The following EPHA5 variants were observed in gnomAD, a reference collection of about 807,000 sequenced individuals.
EPHA5 encodes EPH receptor A5.
A neutral mutation model predicts 105.0 loss-of-function variants in EPHA5; 60 were observed. The ratio of observed to expected loss-of-function variants is 0.57; its 90% CI spans 0.46 to 0.71. The LOEUF (loss-of-function observed/expected upper bound fraction) is 0.71. Among genes scored for constraint, EPHA5 ranks in the 30% least tolerant of loss-of-function variants. The pLI, the probability that EPHA5 is intolerant of heterozygous loss-of-function variation, is 0.00. For synonymous variants in EPHA5, 513 were observed against 449.1 expected, an observed-to-expected ratio of 1.14 and a Z score of -1.80; for missense variants, 1,218 against 1,274.7, an observed-to-expected ratio of 0.96 and a Z score of 0.68.
chr4:65,355,100 G>A (rs4860654), intron 11 of EPHA5, among the ~76,000 whole-genome samples: 64,634 of 151,492 alleles, frequency 0.43, 14,519 homozygotes, highest in Middle Eastern at 0.52. Context: ...GAGTGCAGGG[G>A]TCACAGGTGT....
intron 2 of EPHA5, among the ~76,000 whole-genome samples, chr4:65,609,630 GA>G (rs1202416070): frequency 7.2e-6 from 1 of 138,986 alleles, no homozygotes; most frequent in Non-Finnish European, 1.5e-5. Context: ...CAACCTGGAG[GA>G]AAAAAATCAG....
At chr4:65,633,651 C>A (rs1317575886) in intron 2 of EPHA5, among the ~76,000 whole-genome samples, 1 of 151,510 alleles carries the variant, frequency 6.6e-6, no homozygotes, top group East Asian at 1.9e-4. Context: ...ACCTATATAT[C>A]CCTCTATACA....
chr4:65,379,440 T>A (rs1182527560), intron 8 of EPHA5, among the ~76,000 whole-genome samples: 3 of 151,908 alleles, frequency 2.0e-5, no homozygotes, highest in African/African-American at 7.2e-5. Context: ...TTTTATTGTA[T>A]TTGTTTTAAG....
chr4:65,503,619 A>G (rs1732712091), intron 3 of EPHA5, among the ~76,000 whole-genome samples: 1 of 151,694 alleles, frequency 6.6e-6, no homozygotes, highest in Non-Finnish European at 1.5e-5. Context: ...AAGATAATAT[A>G]ATATTTATAA....
chr4:65,520,805 C>T (rs938160148), intron 3 of EPHA5, among the ~76,000 whole-genome samples: 2 of 152,138 alleles, frequency 1.3e-5, no homozygotes, highest in Non-Finnish European at 2.9e-5. Context: ...CAGAGAAATG[C>T]AAATCAAAAC....
chr4:65,404,564 A>T, intron 7 of EPHA5, 85 bp from the exon 8 acceptor site: 3 of 1,163,276 alleles, frequency 2.6e-6, no homozygotes, highest in Non-Finnish European at 3.8e-6. Context: ...ACAGTAATCA[A>T]TTCATGATTT....
chr4:65,466,792 T>TAAGC (rs1392736442), intron 5 of EPHA5, among the ~76,000 whole-genome samples: 1 of 152,102 alleles, frequency 6.6e-6, no homozygotes, highest in East Asian at 1.9e-4. Flanking sequence ...TATCTGATTG[T>TAAGC]AAGCATAGAC....
chr4:65,448,464 A>G (rs1165480954), intron 5 of EPHA5, among the ~76,000 whole-genome samples: 1 of 152,140 alleles, frequency 6.6e-6, no homozygotes, highest in Non-Finnish European at 1.5e-5. Context: ...CCTGGCCAAT[A>G]TGGCGAAACC....
At chr4:65,604,070 T>C (rs1743989536) in intron 2 of EPHA5, among the ~76,000 whole-genome samples, 1 of 152,290 alleles carries the variant, frequency 6.6e-6, no homozygotes, top group African/African-American at 2.4e-5. Flanking sequence ...ATCTCTTCTC[T>C]ATAAAAAGAA....
At chr4:65,501,519 A>G (rs1348759085) in intron 3 of EPHA5, among the ~76,000 whole-genome samples, 1 of 151,762 alleles carries the variant, frequency 6.6e-6, no homozygotes, top group Non-Finnish European at 1.5e-5. Flanking sequence ...CACAAAAAGA[A>G]TAAAATACCT....
At chr4:65,434,783 T>C (rs1054489178) in intron 5 of EPHA5, among the ~76,000 whole-genome samples, 3 of 152,164 alleles carry the variant, frequency 2.0e-5, no homozygotes, top group African/African-American at 7.2e-5. Flanking sequence ...CATAATGTTG[T>C]AGGCCATCTC....
chr4:65,489,976 C>T (rs1391130776), intron 5 of EPHA5, among the ~76,000 whole-genome samples: 2 of 151,996 alleles, frequency 1.3e-5, no homozygotes, highest in Admixed American at 6.6e-5. Flanking sequence ...AGCAAATAAA[C>T]AAGCAAATAA....
intron 5 of EPHA5, among the ~76,000 whole-genome samples, chr4:65,470,334 GGT>G (rs1410960375): frequency 6.6e-6 from 1 of 151,894 alleles, no homozygotes; most frequent in African/African-American, 2.4e-5. Context: ...TGGGATTACA[GGT>G]GTGTGCCACC....
chr4:65,662,587 A>T, intron 1 of EPHA5, among the ~76,000 whole-genome samples: 1 of 152,138 alleles, frequency 6.6e-6, no homozygotes, highest in East Asian at 1.9e-4. Flanking sequence ...AACAACAACA[A>T]CAACAAATGT....
chr4:65,367,547 TG>T, intron 8 of EPHA5, 123 bp from the exon 9 acceptor site: 1 of 813,248 alleles, frequency 1.2e-6, no homozygotes, highest in Non-Finnish European at 2.0e-6. Context: ...ACTAGTAGTT[TG>T]GAATGATGCC....
At chr4:65,556,962 T>A (rs1215908679) in intron 3 of EPHA5, among the ~76,000 whole-genome samples, 1 of 151,984 alleles carries the variant, frequency 6.6e-6, no homozygotes, top group Non-Finnish European at 1.5e-5. Flanking sequence ...TCACTTCCTC[T>A]GTCAAAATAT....
At chr4:65,484,043 G>A (rs1327960456) in intron 5 of EPHA5, among the ~76,000 whole-genome samples, 3 of 152,122 alleles carry the variant, frequency 2.0e-5, no homozygotes, top group Non-Finnish European at 4.4e-5. Context: ...TTAATTAGGT[G>A]GTGGTTCAAG....
At position 65,530,183 on chromosome 4, in the gene EPHA5, A is replaced by G. The variant is rs79661292; in HGVS notation, c.911-34640T>C. Among the ~76,000 whole-genome samples the G allele has an allele frequency of 3.0e-3, 462 of 152,272 alleles. 9 individuals are homozygous for G. In the East Asian group the frequency reaches 0.08, roughly 26 times the overall value. On this transcript the variant is annotated intron_variant, in intron 3 of 16. Coordinates refer to ENST00000613740, the MANE Select transcript of EPHA5 (RefSeq NM_001281766.3). ...GAAACTCAAGAACAACTTTTATAGA[A>G]AAAATATATGGAACTACTGGGATTA...
At chr4:65,500,286 A>T (rs1357528540) in intron 3 of EPHA5, among the ~76,000 whole-genome samples, 1 of 151,372 alleles carries the variant, frequency 6.6e-6, no homozygotes, top group Admixed American at 6.6e-5. Flanking sequence ...AAGACAAAAA[A>T]TGCACCCATA....
Sources: allele counts gnomAD v4.1 joint callset (sites outside exome capture counted in the v4.1 genomes callset), GRCh38; gene constraint gnomAD v4.1.1; transcripts MANE v1.5; gene names NCBI Gene and HGNC (gene_info 2026-07-23, HGNC 2026-07-21).